Variants in NXN observed in about 807,000 individuals in gnomAD.
NXN encodes the protein nucleoredoxin 1.
A neutral mutation model predicts 48.6 loss-of-function variants in NXN; 16 were observed. The observed-to-expected ratio is 0.33, with a 90% CI of 0.22 to 0.50. The LOEUF (loss-of-function observed/expected upper bound fraction) is 0.50. Ranked by LOEUF, NXN falls within the 20% of genes least tolerant of loss-of-function variation. The probability of loss-of-function intolerance (pLI) is 0.98; values close to 1 mark genes in which losing one functional copy is unlikely to be tolerated. For missense variants in NXN, 492 were observed against 605.5 expected (o/e 0.81, Z 1.97); for synonymous variants, 281 against 269.6 (o/e 1.04, Z -0.41).
At chr17:871,254 C>A (rs983346584) in intron 1 of NXN, among the ~76,000 whole-genome samples, 2 of 152,062 alleles carry the variant, frequency 1.3e-5, no homozygotes, top group African/African-American at 4.8e-5. Context: ...ATACAACCTC[C>A]CAGGCACCCC....
chr17:945,313 C>A (rs1174613075), intron 1 of NXN, among the ~76,000 whole-genome samples: 1 of 151,916 alleles, frequency 6.6e-6, no homozygotes, highest in African/African-American at 2.4e-5. Flanking sequence ...AACTCCTGAC[C>A]TCAGGTGATC....
At chr17:977,979 C>G (rs1158545297) in intron 1 of NXN, among the ~76,000 whole-genome samples, 2 of 152,232 alleles carry the variant, frequency 1.3e-5, no homozygotes, top group Non-Finnish European at 2.9e-5. Flanking sequence ...ATCGGATCAA[C>G]TGTATTTCAT....
rs2069496200 is a variant in NXN, at chr17:978,932, G to A, written c.360+387C>T. On this transcript the variant is annotated intron_variant, in intron 1 of 7. Transcript: ENST00000336868. The surrounding 1 kb of genome is among the most constrained non-coding windows in gnomAD (Gnocchi z 4.1). ...GCCTCTGCTCGCGGGTGAAGGGGTC[G>A]CGGAACCGGGATCCCCGAGCGCAGC... Among the ~76,000 whole-genome samples, 4 of 151,090 alleles carry A rather than the reference G, an allele frequency of 2.6e-5. No homozygotes were observed. In the South Asian group the frequency reaches 8.4e-4, roughly 32 times the overall value.
chr17:880,301 A>T (rs568339134), intron 1 of NXN, among the ~76,000 whole-genome samples: 1 of 152,202 alleles, frequency 6.6e-6, no homozygotes, highest in Admixed American at 6.5e-5. Flanking sequence ...ATTTCCTTGT[A>T]TATAAAATAC....
chr17:846,394 C>T (rs537293404), intron 1 of NXN, among the ~76,000 whole-genome samples: 6 of 124,592 alleles, frequency 4.8e-5, no homozygotes, highest in East Asian at 2.2e-4. Flanking sequence ...TCCAGCCTGG[C>T]GACAGAGAGA....
intron 1 of NXN, among the ~76,000 whole-genome samples, chr17:969,332 C>G (rs1265700760): frequency 6.6e-6 from 1 of 152,176 alleles, no homozygotes; most frequent in Non-Finnish European, 1.5e-5. Flanking sequence ...CGGGAAACAG[C>G]CAAGTTTCCA....
At position 844,038 on chromosome 17, in the gene NXN, G is replaced by A. The variant is rs373327426; in HGVS notation, c.361-17960C>T. On this transcript the variant is annotated intron_variant, in intron 1 of 7. Transcript: ENST00000336868. ...AACACGCCTGTCCAGGCCATCATACGTCCCGTCCCGCCCCTCCTTAGCTGG... is the reference window on the plus strand; with the variant it reads ...AACACGCCTGTCCAGGCCATCATACATCCCGTCCCGCCCCTCCTTAGCTGG... 7.9e-5 allele frequency among the ~76,000 whole-genome samples: 12 copies of A among 152,280 alleles called. 1 individual carries two copies. In the East Asian group the frequency reaches 1.5e-3, roughly 20 times the overall value.
At chr17:959,072 C>G (rs2069204870) in intron 1 of NXN, 1 of 290,382 alleles carries the variant, frequency 3.4e-6, no homozygotes, top group Admixed American at 5.3e-5. Context: ...GGTTCCTCAT[C>G]ACGGGCGGTG....
intron 1 of NXN, among the ~76,000 whole-genome samples, chr17:937,785 G>A (rs1176934598): frequency 6.6e-6 from 1 of 152,226 alleles, no homozygotes; most frequent in Non-Finnish European, 1.5e-5. Context: ...AATTCACGGG[G>A]CGTTCGATGA....
At chr17:845,922 G>A (rs1337584584) in intron 1 of NXN, among the ~76,000 whole-genome samples, 1 of 152,050 alleles carries the variant, frequency 6.6e-6, no homozygotes, top group Non-Finnish European at 1.5e-5. Context: ...AATTAGCCGG[G>A]TGTGGTGGCT....
chr17:968,739 A>C (rs1186846794), intron 1 of NXN, among the ~76,000 whole-genome samples: 1 of 151,926 alleles, frequency 6.6e-6, no homozygotes, highest in Non-Finnish European at 1.5e-5. Flanking sequence ...GGAGTTCAAG[A>C]CCAGCCTCGT....
In NXN at chr17:929,169, T is replaced by A. The variant is rs538689930; in HGVS notation, c.360+50150A>T. On this transcript the variant is annotated intron_variant, in intron 1 of 7. Coordinates refer to ENST00000336868, the MANE Select transcript of NXN (RefSeq NM_022463.5). Reference sequence around the variant, plus strand: ...TCAGAAGAGCTGGCAACGTCGGCCTTCATTACGGCAACAGGCAGCTGGAGG... The same window carrying A: ...TCAGAAGAGCTGGCAACGTCGGCCTACATTACGGCAACAGGCAGCTGGAGG... 2.0e-5 allele frequency among the ~76,000 whole-genome samples: 3 copies of A among 152,334 alleles called. No homozygotes were observed. In the South Asian group the frequency reaches 6.2e-4, roughly 32 times the overall value.
At chr17:810,326 A>AGTCTGTGAGTGGC (rs1273428045) in intron 5 of NXN, among the ~76,000 whole-genome samples, 1 of 150,414 alleles carries the variant, frequency 6.6e-6, no homozygotes, top group Non-Finnish European at 1.5e-5. Context: ...GCACGTTACG[A>AGTCTGTGAGTGGC]GTGCATGTGA....
intron 1 of NXN, among the ~76,000 whole-genome samples, chr17:846,643 A>T (rs1397989707): frequency 1.3e-5 from 2 of 152,236 alleles, no homozygotes; most frequent in East Asian, 1.9e-4. Flanking sequence ...TTATAATATA[A>T]ACTAATCCCA....
intron 1 of NXN, among the ~76,000 whole-genome samples, chr17:906,908 T>A (rs1043178139): frequency 6.6e-6 from 1 of 152,036 alleles, no homozygotes; most frequent in Admixed American, 6.6e-5. Context: ...AAATGCCAGT[T>A]ATTGCTATTC....
chr17:947,620 C>T (rs2069058317), intron 1 of NXN, among the ~76,000 whole-genome samples: 1 of 151,824 alleles, frequency 6.6e-6, no homozygotes, highest in East Asian at 1.9e-4. Flanking sequence ...GTAATCCAAG[C>T]CACTCGGGAG....
rs34184498 is a variant in NXN, at chr17:848,145, G to GTT, written c.361-22069_361-22068dup. Among the ~76,000 whole-genome samples the GTT allele has an allele frequency of 5.5e-3, 817 of 148,560 alleles. 12 individuals are homozygous for GTT. The highest frequency in any genetic ancestry group is 0.018 in the African/African-American group (745 of 40,636). On this transcript the variant is annotated intron_variant, in intron 1 of 7. Coordinates refer to ENST00000336868, the MANE Select transcript of NXN (RefSeq NM_022463.5). ...TTACTGAACGTTGATTTCCTGTTTT[G>GTT]TTTTTTTTTTGAGACGGAGTCCTGC... is the stretch of plus-strand genomic sequence containing the variant.
intron 5 of NXN, among the ~76,000 whole-genome samples, chr17:812,551 G>C (rs1912132914): frequency 6.6e-6 from 1 of 151,800 alleles, no homozygotes; most frequent in Non-Finnish European, 1.5e-5. Context: ...GGACCCTGCA[G>C]AGCGAGTGTG....
At chr17:843,334 C>T (rs568967841) in intron 1 of NXN, among the ~76,000 whole-genome samples, 38 of 152,332 alleles carry the variant, frequency 2.5e-4, no homozygotes, top group African/African-American at 8.4e-4. Flanking sequence ...CTCATGGCTC[C>T]GCGAGCCAGG....
Sources: gnomAD v4.1 joint callset for allele counts (sites outside exome capture counted in the v4.1 genomes callset) on GRCh38, gnomAD v4.1.1 for gene constraint, Gnocchi (gnomAD v3.1) non-coding constraint, MANE v1.5 for transcripts, NCBI Gene and HGNC (gene_info 2026-07-23, HGNC 2026-07-21) for gene names.